ESR1: variants seen among roughly 807,000 people sequenced by gnomAD.
ESR1 encodes estrogen receptor.
Under a neutral mutation model 52.7 loss-of-function variants are expected in ESR1, and 12 were observed. The ratio of observed to expected loss-of-function variants is 0.23; its 90% CI spans 0.15 to 0.37. ESR1 has a LOEUF of 0.37. Among genes scored for constraint, ESR1 ranks in the 10% least tolerant of loss-of-function variants. The probability of loss-of-function intolerance (pLI) is 1.00; values close to 1 mark genes in which losing one functional copy is unlikely to be tolerated. For missense variants in ESR1, 584 were observed against 779.7 expected (o/e 0.75, Z 2.99); for synonymous variants, 305 against 316.8 (o/e 0.96, Z 0.39).
At chr6:152,075,111 C>T (rs2048633782) in intron 6 of ESR1, among the ~76,000 whole-genome samples, 1 of 152,110 alleles carries the variant, frequency 6.6e-6, no homozygotes, top group African/African-American at 2.4e-5. Flanking sequence ...TGGAAGAAGC[C>T]ATGGGGTCAC....
intron 2 of ESR1, among the ~76,000 whole-genome samples, chr6:151,870,292 C>G (rs1476486171): frequency 6.6e-6 from 1 of 151,898 alleles, no homozygotes; most frequent in East Asian, 1.9e-4. Context: ...TTGGGTTACT[C>G]TTTCATATTT....
At chr6:152,076,001 A>G (rs1260740182) in intron 6 of ESR1, among the ~76,000 whole-genome samples, 2 of 152,210 alleles carry the variant, frequency 1.3e-5, no homozygotes, top group Non-Finnish European at 2.9e-5. Flanking sequence ...ATTTTATGTA[A>G]TGTAAAGGGG....
intron 6 of ESR1, among the ~76,000 whole-genome samples, chr6:152,110,858 T>C (rs994499416): frequency 6.6e-6 from 1 of 152,156 alleles, no homozygotes; most frequent in African/African-American, 2.4e-5. Flanking sequence ...CCGGTTGTCT[T>C]TCTGGTGGGC....
upstream of ESR1, among the ~76,000 whole-genome samples, chr6:151,687,577 T>A (rs1208672473): frequency 6.6e-6 from 1 of 152,168 alleles, no homozygotes; most frequent in Non-Finnish European, 1.5e-5. Context: ...AAAACCTGAT[T>A]TTTTATTTTA....
chr6:151,980,000 T>C (rs951616791), intron 4 of ESR1, among the ~76,000 whole-genome samples: 2 of 152,228 alleles, frequency 1.3e-5, no homozygotes, highest in African/African-American at 4.8e-5. Context: ...GCCTAGCTAT[T>C]TGCATGTATT....
chr6:151,851,989 A>T (rs1399274831), intron 2 of ESR1, among the ~76,000 whole-genome samples: 1 of 152,218 alleles, frequency 6.6e-6, no homozygotes, highest in African/African-American at 2.4e-5. Context: ...AAAGAAGGGG[A>T]ATAGAATAAA....
At chr6:151,892,282 G>A (rs1357153465) in intron 3 of ESR1, among the ~76,000 whole-genome samples, 2 of 152,142 alleles carry the variant, frequency 1.3e-5, no homozygotes, top group African/African-American at 4.8e-5. Context: ...AAAGCTAAAG[G>A]TAGTATATAC....
At chr6:151,670,862 G>A (rs559402347) in intron 1 of ESR1, among the ~76,000 whole-genome samples, 53 of 138,220 alleles carry the variant, frequency 3.8e-4, no homozygotes, top group African/African-American at 1.3e-3. Context: ...TCCGCCTCCC[G>A]GGTTCAAGCA....
intron 3 of ESR1, among the ~76,000 whole-genome samples, chr6:151,924,526 C>T (rs1215144882): frequency 2.0e-5 from 3 of 152,022 alleles, no homozygotes; most frequent in Admixed American, 1.3e-4. Context: ...CAGATCATCT[C>T]GTCACCCAGG....
chr6:152,097,131 TTCTC>T (rs374574306), intron 7 of ESR1, among the ~76,000 whole-genome samples: 29 of 150,964 alleles, frequency 1.9e-4, no homozygotes, highest in African/African-American at 6.3e-4. Flanking sequence ...TTGCTTCTCT[TTCTC>T]TCTCTCTCTC....
intron 1 of ESR1, among the ~76,000 whole-genome samples, chr6:151,665,494 C>T (rs1190335439): frequency 2.0e-5 from 3 of 152,310 alleles, no homozygotes; most frequent in Non-Finnish European, 2.9e-5. Flanking sequence ...GCCACCAGAT[C>T]CTAGCAAGTG....
At chr6:152,017,182 A>T (rs570281777) in intron 5 of ESR1, among the ~76,000 whole-genome samples, 1 of 152,312 alleles carries the variant, frequency 6.6e-6, no homozygotes, top group African/African-American at 2.4e-5. Context: ...TGAGCAGAGG[A>T]TACATTTCCT....
intron 6 of ESR1, among the ~76,000 whole-genome samples, chr6:152,093,702 A>G (rs1191010510): frequency 6.6e-6 from 1 of 152,200 alleles, no homozygotes; most frequent in Non-Finnish European, 1.5e-5. Flanking sequence ...AGCGGTTTTC[A>G]AGTGGCCTAT....
intron 1 of ESR1, among the ~76,000 whole-genome samples, chr6:151,837,640 G>A (rs950083786): frequency 6.6e-5 from 10 of 152,054 alleles, no homozygotes; most frequent in Non-Finnish European, 2.9e-5. Flanking sequence ...TTTCTCATTC[G>A]ATCTTCAGCT....
intron 1 of ESR1, among the ~76,000 whole-genome samples, chr6:151,696,884 C>G: frequency 6.6e-6 from 1 of 152,118 alleles, no homozygotes; most frequent in Middle Eastern, 3.2e-3. Flanking sequence ...TAGGAAGCGA[C>G]TCTTGACCAT....
chr6:152,028,480 G>T (rs962444869), intron 5 of ESR1, among the ~76,000 whole-genome samples: 1 of 152,172 alleles, frequency 6.6e-6, no homozygotes, highest in Admixed American at 6.5e-5. Flanking sequence ...TTAGCAAACG[G>T]CACACCAGGA....
chr6:152,073,754 A>G (rs2048521110), intron 6 of ESR1, among the ~76,000 whole-genome samples: 1 of 152,022 alleles, frequency 6.6e-6, no homozygotes, highest in Non-Finnish European at 1.5e-5. Context: ...TTCCAGCTCT[A>G]CCACTTATTT....
At chr6:152,064,343 A>G in intron 6 of ESR1, among the ~76,000 whole-genome samples, 1 of 152,238 alleles carries the variant, frequency 6.6e-6, no homozygotes, top group Non-Finnish European at 1.5e-5. Flanking sequence ...GGGCCTGCCC[A>G]CAGTATCCCC....
chr6:151,880,883 T>C (rs1792793078), intron 3 of ESR1, 112 bp downstream of exon 3: 3 of 666,134 alleles, frequency 4.5e-6, no homozygotes, highest in Middle Eastern at 4.0e-4. Flanking sequence ...CTTTTAATTG[T>C]TTTTTTTCTA....
Sources: allele counts gnomAD v4.1 joint callset (sites outside exome capture counted in the v4.1 genomes callset), GRCh38; gene constraint gnomAD v4.1.1; transcripts MANE v1.5; gene names NCBI Gene and HGNC (gene_info 2026-07-23, HGNC 2026-07-21).